Variants in TBXAS1 observed in about 807,000 individuals in gnomAD.
TBXAS1 encodes the protein thromboxane-A synthase.
In TBXAS1, 48 loss-of-function variants were observed where a neutral mutation model predicts 60.7. The ratio of observed to expected loss-of-function variants is 0.79; its 90% confidence interval spans 0.63 to 1.01. The LOEUF is 1.01. TBXAS1 is among the 50% of genes least tolerant of loss of function. The probability of loss-of-function intolerance (pLI) is 0.00; values close to 1 mark genes in which losing one functional copy is unlikely to be tolerated. For synonymous variants in TBXAS1, 287 were observed against 269.7 expected (o/e 1.06, Z -0.63); for missense variants, 685 against 686.3 (o/e 1.00, Z 0.02).
At chr7:139,845,780 C>T (rs943567205) in intron 1 of TBXAS1, among the ~76,000 whole-genome samples, 7 of 151,916 alleles carry the variant, frequency 4.6e-5, no homozygotes, top group Non-Finnish European at 8.8e-5. Context: ...CCAGCTTTCA[C>T]CCTGACTTGT....
At chr7:139,797,578 G>C (rs1008103011) in intron 4 of TBXAS1, 1 of 152,192 alleles carries the variant, frequency 6.6e-6, no homozygotes, top group African/African-American at 2.4e-5. Flanking sequence ...TGGCTAGAAA[G>C]TACCTTGTAA....
intron 3 of TBXAS1, among the ~76,000 whole-genome samples, chr7:139,908,209 C>T (rs1805258134): frequency 6.6e-6 from 1 of 150,560 alleles, no homozygotes; most frequent in South Asian, 2.1e-4. Context: ...GTTCTTTGTT[C>T]TTCTTTTTCT....
intron 4 of TBXAS1, among the ~76,000 whole-genome samples, chr7:139,810,085 G>T (rs1271782323): frequency 6.6e-6 from 1 of 151,660 alleles, no homozygotes. Flanking sequence ...CACCCAGGCT[G>T]GAGTACAGTG....
intron 5 of TBXAS1, among the ~76,000 whole-genome samples, chr7:139,938,794 T>C (rs1808021228): frequency 6.6e-6 from 1 of 152,002 alleles, no homozygotes; most frequent in Non-Finnish European, 1.5e-5. Context: ...GTAAAGAGTA[T>C]CTGAGAAAAG....
intron 5 of TBXAS1, among the ~76,000 whole-genome samples, chr7:139,946,235 G>C (rs560865452): frequency 6.6e-6 from 1 of 152,326 alleles, no homozygotes; most frequent in African/African-American, 2.4e-5. Flanking sequence ...TAATACTTGA[G>C]GGGCTGAAAT....
chr7:139,873,187 G>A (rs149988540), intron 2 of TBXAS1, among the ~76,000 whole-genome samples: 145 of 152,298 alleles, frequency 9.5e-4, no homozygotes, highest in Non-Finnish European at 1.6e-3. Flanking sequence ...GTGTACCAAC[G>A]TGAGAATGAC....
At chr7:139,973,467 C>T (rs948097496) in intron 9 of TBXAS1, among the ~76,000 whole-genome samples, 15 of 152,070 alleles carry the variant, frequency 9.9e-5, no homozygotes, top group Non-Finnish European at 2.9e-5. Context: ...GTGCTTATGG[C>T]CCAGACACTC....
At chr7:139,792,741 T>C (rs1046371077) in intron 4 of TBXAS1, among the ~76,000 whole-genome samples, 1 of 152,214 alleles carries the variant, frequency 6.6e-6, no homozygotes, top group African/African-American at 2.4e-5. Context: ...AAGTCAACCC[T>C]ACTACATCCA....
intron 5 of TBXAS1, among the ~76,000 whole-genome samples, chr7:139,941,507 C>T (rs1461910745): frequency 6.6e-6 from 1 of 151,838 alleles, no homozygotes; most frequent in Non-Finnish European, 1.5e-5. Context: ...GTGATTCATG[C>T]ATCTCCAAGT....
chr7:139,932,545 A>C (rs909614706), intron 4 of TBXAS1, among the ~76,000 whole-genome samples: 2 of 152,198 alleles, frequency 1.3e-5, no homozygotes, highest in Non-Finnish European at 2.9e-5. Flanking sequence ...TCACAAAAAA[A>C]AAAACAAAAC....
rs567461977 is a variant in TBXAS1, at chr7:139,967,582, C to T, written c.1134+5349C>T. On this transcript the variant is annotated intron_variant, in intron 9 of 12. Transcript: ENST00000448866. The stretch of plus-strand genomic sequence containing the variant: ...CCAGTGACTTCGAGAGGGTCATGCA[C>T]CTGCCCCCTCAACCAATCTTTGGAC... Among the ~76,000 whole-genome samples, 11 of 152,226 alleles carry T rather than the reference C, an allele frequency of 7.2e-5. No homozygotes were observed. The South Asian group carries it at 1.7e-3, about 23-fold the overall frequency.
At chr7:139,966,364 C>T (rs1001607276) in intron 9 of TBXAS1, among the ~76,000 whole-genome samples, 2 of 152,192 alleles carry the variant, frequency 1.3e-5, no homozygotes, top group African/African-American at 4.8e-5. Flanking sequence ...AAAAACTCAG[C>T]CCAGATTGTC....
At chr7:139,838,702 G>A (rs920505517) in intron 1 of TBXAS1, among the ~76,000 whole-genome samples, 1 of 151,924 alleles carries the variant, frequency 6.6e-6, no homozygotes, top group African/African-American at 2.4e-5. Context: ...ACTAGGCACA[G>A]TACACTTTGA....
intron 4 of TBXAS1, among the ~76,000 whole-genome samples, chr7:139,791,210 A>T (rs1797371389): frequency 6.6e-6 from 1 of 152,228 alleles, no homozygotes. Context: ...GGTGACAGAT[A>T]AATGCTAACG....
At chr7:139,938,974 C>T (rs1808043148) in intron 5 of TBXAS1, among the ~76,000 whole-genome samples, 2 of 150,336 alleles carry the variant, frequency 1.3e-5, no homozygotes, top group South Asian at 4.5e-4. Flanking sequence ...TCCAGTGCTC[C>T]TGGAGTCCAG....
chr7:139,868,618 G>A (rs1289635671), intron 1 of TBXAS1, among the ~76,000 whole-genome samples: 2 of 151,268 alleles, frequency 1.3e-5, no homozygotes, highest in Non-Finnish European at 2.9e-5. Context: ...CAAGTAGCTG[G>A]GACTATAGGT....
chr7:139,860,162 T>C (rs1242691110), intron 1 of TBXAS1, among the ~76,000 whole-genome samples: 1 of 151,942 alleles, frequency 6.6e-6, no homozygotes, highest in Admixed American at 6.6e-5. Flanking sequence ...AACTAAAGAA[T>C]ATGTATTCTT....
At chr7:139,911,150 G>A in intron 3 of TBXAS1, 75 bp from the exon 4 acceptor site, 1 of 1,268,122 alleles carries the variant, frequency 7.9e-7, no homozygotes, top group Non-Finnish European at 1.2e-6. Context: ...CTCATTCTAA[G>A]CTACCGTGAA....
chr7:139,959,330 C>CAGT (rs1810139115), intron 8 of TBXAS1, among the ~76,000 whole-genome samples: 1 of 152,196 alleles, frequency 6.6e-6, no homozygotes, highest in Non-Finnish European at 1.5e-5. Context: ...TGTGTTTGCG[C>CAGT]AGTGAAAATG....
Sources: allele counts gnomAD v4.1 joint callset (sites outside exome capture counted in the v4.1 genomes callset), GRCh38; gene constraint gnomAD v4.1.1; transcripts MANE v1.5; gene names NCBI Gene and HGNC (gene_info 2026-07-23, HGNC 2026-07-21).